Variants in SP140L observed in about 807,000 individuals in gnomAD.
SP140L encodes SP140 like nuclear body protein, also known as nuclear body protein SP140-like protein.
SP140L carries 64 observed loss-of-function variants against 84.3 expected under a neutral mutation model. The observed-to-expected ratio is 0.76, with a 90% CI of 0.62 to 0.94. The LOEUF is 0.94. Among genes scored for constraint, SP140L ranks in the 40% least tolerant of loss-of-function variants. SP140L has a pLI of 0.00. For synonymous variants in SP140L, 242 were observed against 236.9 expected (o/e 1.02, Z -0.20); for missense variants, 628 against 692.5 (o/e 0.91, Z 1.05).
chr2:230,395,404 T>A (rs1237610216), intron 13 of SP140L, among the ~76,000 whole-genome samples: 2 of 151,810 alleles, frequency 1.3e-5, no homozygotes, highest in African/African-American at 4.8e-5. Flanking sequence ...TCGTGAGATA[T>A]CATCTCTACC....
intron 3 of SP140L, 24 bp downstream of exon 3, chr2:230,357,991 C>T: frequency 3.1e-6 from 5 of 1,610,446 alleles, no homozygotes; most frequent in Non-Finnish European, 4.2e-6. Flanking sequence ...ATTTCACAAC[C>T]TGGCAGATAT....
chr2:230,365,192 C>T (rs1298755430), intron 5 of SP140L, among the ~76,000 whole-genome samples: 1 of 152,038 alleles, frequency 6.6e-6, no homozygotes, highest in Non-Finnish European at 1.5e-5. Flanking sequence ...AAATAGACCC[C>T]TTATTCAATT....
intron 10 of SP140L, 44 bp downstream of exon 10, chr2:230,388,677 A>G (rs2061686455): frequency 6.7e-7 from 1 of 1,490,272 alleles, no homozygotes; most frequent in East Asian, 2.3e-5. Flanking sequence ...CTAAACATCT[A>G]ATTTCCTGTG....
intron 2 of SP140L, among the ~76,000 whole-genome samples, chr2:230,346,798 G>C (rs1280778914): frequency 6.6e-6 from 1 of 152,060 alleles, no homozygotes; most frequent in Admixed American, 6.6e-5. Flanking sequence ...ATTTTGTTGA[G>C]TTGTCCATCT....
At chr2:230,361,489 TAGG>T (rs2060715294) in intron 4 of SP140L, 122 bp from the exon 5 acceptor site, 2 of 614,262 alleles carry the variant, frequency 3.3e-6, no homozygotes, top group East Asian at 4.1e-5. Flanking sequence ...CAGAAGATGA[TAGG>T]AGAAGTTTAA....
intron 6 of SP140L, among the ~76,000 whole-genome samples, chr2:230,371,171 C>T (rs11689260): frequency 0.53 from 80,864 of 152,066 alleles, 22,832 homozygotes; most frequent in Non-Finnish European, 0.64. Flanking sequence ...ATATGGATGA[C>T]GTCATAGAAT....
chr2:230,369,983 A>G lies in SP140L; in HGVS notation c.524-925A>G, dbSNP rs368758753. Among the ~76,000 whole-genome samples the G allele has an allele frequency of 1.2e-4, 18 of 148,122 alleles. 1 individual carries two copies. Among genetic ancestry groups the G allele is most frequent in the African/African-American group, 2.1e-4 (8 of 37,648 alleles). On this transcript the variant is annotated intron_variant, in intron 5 of 18. Transcript: ENST00000415673. ...GAGACAGAGTTTCACCCTGTTGGCCAGGCTGGTCTTGAATTCCTGACTTAG... is the reference window on the plus strand; with the variant it reads ...GAGACAGAGTTTCACCCTGTTGGCCGGGCTGGTCTTGAATTCCTGACTTAG...
At chr2:230,353,255 C>A (rs994506863) in intron 2 of SP140L, among the ~76,000 whole-genome samples, 1 of 152,006 alleles carries the variant, frequency 6.6e-6, no homozygotes, top group Admixed American at 6.5e-5. Context: ...TTTCTAAAAT[C>A]TTAAGAAATT....
rs2061681434 is a variant in SP140L, at chr2:230,388,586, A to G, written c.812A>G (p.His271Arg). The stretch of plus-strand genomic sequence containing the variant: ...AGAAAGAGAGGCAAACCTGGAACCC[A>G]CTTTACTCAGAGTGACAGAGCTCCA... ...RGRKRGKPGT[H>R]FTQSDRAPQK... The change falls in exon 10 of 19, where the codon CAC (histidine) becomes CGC (arginine). Residue 271 changes from histidine (H) to arginine (R), a missense_variant. Around this residue, in one of 4 missense-constraint regions of SP140L, gnomAD observed 525 missense variants for 518.4 expected, o/e 1.01. Transcript: ENST00000415673. The G allele has an allele frequency of 1.2e-6, 2 of 1,609,778 alleles. No homozygotes were observed. Among genetic ancestry groups the G allele is most frequent in the Non-Finnish European group, 1.7e-6 (2 of 1,178,896 alleles).
At chr2:230,399,723 A>G (rs138132980) in intron 14 of SP140L, 1 of 158,678 alleles carries the variant, frequency 6.3e-6, no homozygotes, top group East Asian at 1.8e-4. Flanking sequence ...AGGTTATTCC[A>G]TCATATGTAA....
chr2:230,380,559 T>A (rs1434490724), intron 7 of SP140L, among the ~76,000 whole-genome samples: 1 of 152,200 alleles, frequency 6.6e-6, no homozygotes, highest in East Asian at 1.9e-4. Context: ...CACACTTTTC[T>A]GCACCATCGA....
chr2:230,390,462 G>A (rs995224306), intron 11 of SP140L, among the ~76,000 whole-genome samples: 1 of 152,138 alleles, frequency 6.6e-6, no homozygotes, highest in South Asian at 2.1e-4. Context: ...AGGAATGACT[G>A]TTCCATTCTG....
chr2:230,356,325 TC>T (rs1392652151), intron 2 of SP140L, among the ~76,000 whole-genome samples: 1 of 152,114 alleles, frequency 6.6e-6, no homozygotes, highest in Non-Finnish European at 1.5e-5. Flanking sequence ...TTCATACTAG[TC>T]TCAAACTGAA....
chr2:230,344,547 T>G (rs1297094762), intron 2 of SP140L, among the ~76,000 whole-genome samples: 1 of 152,216 alleles, frequency 6.6e-6, no homozygotes, highest in Non-Finnish European at 1.5e-5. Flanking sequence ...ATGTGTGAAT[T>G]TGATCCTGCC....
At chr2:230,384,170 T>C (rs2061494649) in intron 8 of SP140L, among the ~76,000 whole-genome samples, 1 of 152,136 alleles carries the variant, frequency 6.6e-6, no homozygotes, top group South Asian at 2.1e-4. Context: ...GTATATGTGT[T>C]GTATTAAAAT....
intron 11 of SP140L, among the ~76,000 whole-genome samples, chr2:230,391,333 C>T (rs540635312): frequency 3.2e-4 from 49 of 152,144 alleles, no homozygotes; most frequent in African/African-American, 1.1e-3. Flanking sequence ...TATATTCCCA[C>T]CAGAAATGTA....
chr2:230,378,874 T>C (rs1218468092), intron 7 of SP140L, among the ~76,000 whole-genome samples: 1 of 152,230 alleles, frequency 6.6e-6, no homozygotes, highest in Admixed American at 6.5e-5. Context: ...GTATAGAAAC[T>C]TGTTAAATTC....
At chr2:230,333,826 C>G (rs2059793165) in intron 2 of SP140L, among the ~76,000 whole-genome samples, 1 of 151,510 alleles carries the variant, frequency 6.6e-6, no homozygotes, top group Non-Finnish European at 1.5e-5. Context: ...TTTCTCAGGA[C>G]CTTCATTTCT....
intron 2 of SP140L, among the ~76,000 whole-genome samples, chr2:230,340,427 G>A (rs2060006055): frequency 6.7e-6 from 1 of 148,446 alleles, no homozygotes; most frequent in South Asian, 2.1e-4. Context: ...CACACTGATG[G>A]GTCTTGACTC....
Sources: gnomAD v4.1 joint callset for allele counts (sites outside exome capture counted in the v4.1 genomes callset) on GRCh38, gnomAD v4.1.1 for gene constraint, gnomAD v4.1.1 regional missense constraint, MANE v1.5 for transcripts, NCBI Gene and HGNC (gene_info 2026-07-23, HGNC 2026-07-21) for gene names.